Variants in GOLPH3 observed in about 807,000 individuals in gnomAD.
The protein encoded by GOLPH3 is coat protein GPP34.
Under a neutral mutation model 28.5 loss-of-function variants are expected in GOLPH3, and 14 were observed. The observed-to-expected ratio is 0.49, with a 90% CI of 0.32 to 0.77. The LOEUF is 0.77. GOLPH3 is among the 30% of genes least tolerant of loss of function. The pLI, the probability that GOLPH3 is intolerant of heterozygous loss-of-function variation, is 0.03. For missense variants in GOLPH3, 350 were observed against 393.7 expected (o/e 0.89, Z 0.94); for synonymous variants, 158 against 159.2 (o/e 0.99, Z 0.06).
intron 1 of GOLPH3, among the ~76,000 whole-genome samples, chr5:32,146,978 G>A (rs146158746): frequency 2.6e-5 from 4 of 152,052 alleles, no homozygotes; most frequent in South Asian, 2.1e-4. Context: ...ATTCAAAGCC[G>A]TAGGCCACCT....
rs898120425 is a variant in GOLPH3, at chr5:32,126,418, G to A, written c.691C>T (p.Arg231Cys). 7.4e-6 allele frequency: 12 copies of A among 1,614,030 alleles called. No individual in the cohort carries two copies. Among genetic ancestry groups the A allele is most frequent in the East Asian group, 2.2e-5 (1 of 44,892 alleles). The change falls in exon 4 of 4, where the codon CGC (arginine) becomes TGC (cysteine). Residue 231 changes from arginine (R) to cysteine (C), a missense_variant. By Grantham distance (180) the Arg-to-Cys change is radical. Coordinates refer to ENST00000265070, the MANE Select transcript of GOLPH3 (RefSeq NM_022130.4). ...AGGGCCAGCAAGCGCCTGTCCATGC[G>A]GTGAGGGTCATTCACCCATTTGTCA... The part of the protein sequence containing the change: ...VLDKWVNDPH[R>C]MDRRLLALIY...
chr5:32,144,055 G>A (rs1358120716), intron 1 of GOLPH3, among the ~76,000 whole-genome samples, 175 bp from the exon 2 acceptor site: 2 of 151,898 alleles, frequency 1.3e-5, no homozygotes, highest in East Asian at 1.9e-4. Context: ...GAGAATTTTC[G>A]GGGGCTTATC....
chr5:32,166,721 T>A (rs944882929), intron 1 of GOLPH3, among the ~76,000 whole-genome samples: 8 of 151,526 alleles, frequency 5.3e-5, no homozygotes, highest in Non-Finnish European at 2.9e-5. Flanking sequence ...GGCAGGAGAA[T>A]CACTTGAACC....
intron 1 of GOLPH3, among the ~76,000 whole-genome samples, chr5:32,155,325 A>G (rs79119757): frequency 0.035 from 5,347 of 152,154 alleles, 175 homozygotes; most frequent in East Asian, 0.16. Context: ...AGCTGAGACT[A>G]TAAGCAGGCA....
In GOLPH3 at chr5:32,131,882, G is replaced by T. The variant is rs245273; in HGVS notation, c.472+3690C>A. 7.2e-4 allele frequency among the ~76,000 whole-genome samples: 110 copies of T among 152,338 alleles called. 1 individual carries two copies. In the East Asian group the frequency reaches 0.015, roughly 20 times the overall value. ...CTTTGGCCATAAATTTGGCAGTGTAGTGATTCCTTGTGACCAAACTGATCA... is the reference window on the plus strand; with the variant it reads ...CTTTGGCCATAAATTTGGCAGTGTATTGATTCCTTGTGACCAAACTGATCA... On this transcript the variant is annotated intron_variant, in intron 3 of 3. Transcript: ENST00000265070.
intron 3 of GOLPH3, among the ~76,000 whole-genome samples, chr5:32,130,543 C>T (rs1001698231): frequency 1.3e-5 from 2 of 152,024 alleles, no homozygotes; most frequent in African/African-American, 4.8e-5. Context: ...TTTATTTTAC[C>T]TTCCCAAGTC....
intron 1 of GOLPH3, among the ~76,000 whole-genome samples, chr5:32,145,676 A>C (rs1057425021): frequency 6.6e-6 from 1 of 152,224 alleles, no homozygotes; most frequent in Admixed American, 6.5e-5. Flanking sequence ...GAACTAAAAT[A>C]TGTCTCAATC....
chr5:32,146,689 G>A (rs1463535210), intron 1 of GOLPH3, among the ~76,000 whole-genome samples: 2 of 151,936 alleles, frequency 1.3e-5, no homozygotes, highest in African/African-American at 4.8e-5. Flanking sequence ...ATCATAACAG[G>A]GATATAACCG....
intron 1 of GOLPH3, among the ~76,000 whole-genome samples, chr5:32,173,386 CCCAGGTCCTAAAG>C (rs1480855745): frequency 2.0e-5 from 3 of 151,882 alleles, no homozygotes; most frequent in Non-Finnish European, 4.4e-5. Context: ...GGGCACCCCT[CCCAGGTCCTAAAG>C]CCTGCAAAAA....
chr5:32,153,339 A>G (rs1252934742), intron 1 of GOLPH3, among the ~76,000 whole-genome samples: 1 of 152,038 alleles, frequency 6.6e-6, no homozygotes, highest in African/African-American at 2.4e-5. Flanking sequence ...CTAATGGGGG[A>G]AGGAAAGAAT....
chr5:32,143,069 G>C (rs183859780), intron 2 of GOLPH3, among the ~76,000 whole-genome samples: 1 of 152,168 alleles, frequency 6.6e-6, no homozygotes, highest in Non-Finnish European at 1.5e-5. Flanking sequence ...TGTAGAAAGA[G>C]GTAGACATGG....
chr5:32,142,191 G>A (rs1746083482), intron 2 of GOLPH3, among the ~76,000 whole-genome samples: 1 of 151,472 alleles, frequency 6.6e-6, no homozygotes, highest in African/African-American at 2.4e-5. Flanking sequence ...TCACATCTGG[G>A]AAGTGAGGAG....
chr5:32,161,502 C>T (rs1367371532), intron 1 of GOLPH3, among the ~76,000 whole-genome samples: 1 of 150,136 alleles, frequency 6.7e-6, no homozygotes, highest in Non-Finnish European at 1.5e-5. Context: ...TGGAAGAGGT[C>T]AAGGCCTTTT....
At chr5:32,133,223 T>C (rs1229896837) in intron 3 of GOLPH3, among the ~76,000 whole-genome samples, 2 of 152,226 alleles carry the variant, frequency 1.3e-5, no homozygotes, top group African/African-American at 4.8e-5. Context: ...ACAGCAGCCA[T>C]AGGTGAGAAC....
intron 1 of GOLPH3, among the ~76,000 whole-genome samples, chr5:32,171,722 T>C (rs537613157): frequency 3.3e-5 from 5 of 151,958 alleles, no homozygotes; most frequent in Non-Finnish European, 7.4e-5. Context: ...CCGAGGCAAG[T>C]GGATCACTTG....
chr5:32,135,985 G>C (rs1443612501), intron 2 of GOLPH3, among the ~76,000 whole-genome samples: 1 of 152,108 alleles, frequency 6.6e-6, no homozygotes, highest in African/African-American at 2.4e-5. Context: ...TACCAGCCCG[G>C]CCCACATGGC....
rs941123840 is a variant in GOLPH3, at chr5:32,174,143, G to A, written c.-109C>T. ...CCGGGTTTCCGTGTTAAATCCGGAC[G>A]CCGGGGCGACGTCCGTCGGCAGCAG... is the stretch of plus-strand genomic sequence containing the variant. On this transcript the variant is annotated 5_prime_UTR_variant, in exon 1 of 4. Coordinates refer to ENST00000265070, the MANE Select transcript of GOLPH3 (RefSeq NM_022130.4). The A allele has an allele frequency of 4.2e-6, 3 of 717,202 alleles. No individual in the cohort carries two copies. Among genetic ancestry groups the A allele is most frequent in the African/African-American group, 3.7e-5 (2 of 53,846 alleles). The allele number at this position is 717,202 out of a possible 1,614,324, so 44.4% of individuals were successfully genotyped here. A position where few individuals can be genotyped will look rare whatever the true frequency, so the allele number is the denominator to read the frequency against.
At chr5:32,142,411 C>T (rs1359067989) in intron 2 of GOLPH3, among the ~76,000 whole-genome samples, 2 of 151,400 alleles carry the variant, frequency 1.3e-5, no homozygotes, top group African/African-American at 4.9e-5. Context: ...CGCCCAGCAG[C>T]CACCCCGTCC....
At chr5:32,173,011 C>T (rs1426549866) in intron 1 of GOLPH3, among the ~76,000 whole-genome samples, 3 of 152,166 alleles carry the variant, frequency 2.0e-5, no homozygotes, top group African/African-American at 7.2e-5. Context: ...AAAATAAACG[C>T]TTTCAAAGTC....
Sources: gnomAD v4.1 joint callset for allele counts (sites outside exome capture counted in the v4.1 genomes callset) on GRCh38, gnomAD v4.1.1 for gene constraint, MANE v1.5 for transcripts, NCBI Gene and HGNC (gene_info 2026-07-23, HGNC 2026-07-21) for gene names.